Variants in KIF16B observed in about 807,000 individuals in gnomAD.
KIF16B encodes the protein kinesin family member 16B, also known as kinesin-like protein KIF16B.
A neutral mutation model predicts 156.3 loss-of-function variants in KIF16B; 98 were observed. That is an observed-to-expected ratio of 0.63 (90% CI 0.53 to 0.74). The LOEUF (loss-of-function observed/expected upper bound fraction) is 0.74, where lower values mean the gene tolerates loss of function less well. Among genes scored for constraint, KIF16B ranks in the 30% least tolerant of loss-of-function variants. The pLI is 0.00. For missense variants in KIF16B, 1,421 were observed against 1,606.5 expected (o/e 0.88, Z 1.97); for synonymous variants, 564 against 583.7 (o/e 0.97, Z 0.49).
chr20:16,483,816 C>G (rs974204795), intron 12 of KIF16B, among the ~76,000 whole-genome samples: 1 of 152,126 alleles, frequency 6.6e-6, no homozygotes, highest in African/African-American at 2.4e-5. Flanking sequence ...TATTGCTCCA[C>G]CAACCACCCC....
At chr20:16,368,890 T>C (rs1427496458) in intron 22 of KIF16B, 1 of 985,776 alleles carries the variant, frequency 1.0e-6, no homozygotes, top group Non-Finnish European at 1.2e-6. Flanking sequence ...TTTATCTTTA[T>C]GAGTCATCAG....
At chr20:16,519,505 CT>C (rs1382066169) in intron 3 of KIF16B, among the ~76,000 whole-genome samples, 1 of 152,212 alleles carries the variant, frequency 6.6e-6, no homozygotes, top group Non-Finnish European at 1.5e-5. Flanking sequence ...AGAAAGCCAA[CT>C]TCCTCCACAA....
chr20:16,372,355 A>G (rs974965709), intron 20 of KIF16B, among the ~76,000 whole-genome samples: 2 of 152,194 alleles, frequency 1.3e-5, no homozygotes, highest in Admixed American at 6.5e-5. Flanking sequence ...GCAAGACCAC[A>G]TCGTAAAGGT....
intron 25 of KIF16B, among the ~76,000 whole-genome samples, chr20:16,303,994 C>T (rs1318418991): frequency 6.6e-6 from 1 of 152,080 alleles, no homozygotes; most frequent in Non-Finnish European, 1.5e-5. Context: ...AACCTGGGAG[C>T]CCAAAGATGG....
chr20:16,319,889 C>T (rs1205862236), intron 24 of KIF16B, among the ~76,000 whole-genome samples: 1 of 152,172 alleles, frequency 6.6e-6, no homozygotes, highest in Admixed American at 6.6e-5. Flanking sequence ...TCACAAGGCT[C>T]GCTCTTAAGA....
rs1398652779 is a variant in KIF16B, at chr20:16,273,209, G to A, written c.*44C>T. The A allele has an allele frequency of 3.8e-6, 6 of 1,575,566 alleles. No homozygotes were observed. Among genetic ancestry groups the A allele is most frequent in the African/African-American group, 2.7e-5 (2 of 74,090 alleles). On this transcript the variant is annotated 3_prime_UTR_variant, in exon 26 of 26. Coordinates refer to ENST00000354981, the MANE Select transcript of KIF16B (RefSeq NM_024704.5). The stretch of plus-strand genomic sequence containing the variant: ...GCTGCCCTGCATCGGAGCCCGCTTC[G>A]ACGAGAAGGCACTGCTGTGGTGGTT...
intron 11 of KIF16B, among the ~76,000 whole-genome samples, chr20:16,495,110 T>C (rs2068412944): frequency 6.6e-6 from 1 of 152,096 alleles, no homozygotes; most frequent in African/African-American, 2.4e-5. Context: ...GAATGAAAAA[T>C]GCGTTCTGTG....
intron 12 of KIF16B, among the ~76,000 whole-genome samples, chr20:16,455,287 C>G (rs562965494): frequency 6.6e-6 from 1 of 151,672 alleles, no homozygotes; most frequent in Non-Finnish European, 1.5e-5. Flanking sequence ...CTCAAGTGAT[C>G]CTCTTGCCTC....
chr20:16,470,398 G>A (rs1226659051), intron 12 of KIF16B, among the ~76,000 whole-genome samples: 1 of 152,124 alleles, frequency 6.6e-6, no homozygotes, highest in Non-Finnish European at 1.5e-5. Context: ...ACTGTGGTGA[G>A]GGATGGCAAC....
At chr20:16,525,332 C>T (rs1459012782) in intron 3 of KIF16B, among the ~76,000 whole-genome samples, 2 of 152,106 alleles carry the variant, frequency 1.3e-5, no homozygotes, top group African/African-American at 2.4e-5. Context: ...AAGCTGTCAA[C>T]GAGCCAGGAA....
rs1365260696 is a variant in KIF16B at position 16,379,748 on chromosome 20, C to T, written c.2254G>A (p.Glu752Lys). 3 of 1,614,180 alleles carry T rather than the reference C, an allele frequency of 1.9e-6. No homozygotes were observed. The highest frequency in any genetic ancestry group is 2.5e-6 in the Non-Finnish European group (3 of 1,180,042). ...ATGACCTGCTCCTTCTCCTGCTCCTCTAGTCTCTTTTTTTCCAGTTCAAGC... is the reference window on the plus strand; with the variant it reads ...ATGACCTGCTCCTTCTCCTGCTCCTTTAGTCTCTTTTTTTCCAGTTCAAGC... Reference protein sequence around the residue: ...AKLELEKKRLEEQEKEQVMLV... With the variant: ...AKLELEKKRLKEQEKEQVMLV... The change falls in exon 19 of 26, where the codon GAG becomes AAG. Residue 752 changes from glutamate to lysine, a missense_variant. By Grantham distance (56) the Glu-to-Lys change is moderately conservative (BLOSUM62 1). Coordinates refer to ENST00000354981, the MANE Select transcript of KIF16B (RefSeq NM_024704.5).
chr20:16,295,756 A>C (rs1006481878), intron 25 of KIF16B, among the ~76,000 whole-genome samples: 3 of 152,152 alleles, frequency 2.0e-5, no homozygotes, highest in African/African-American at 7.2e-5. Context: ...CAGGACGAGG[A>C]GTGTACTGAA....
intron 24 of KIF16B, among the ~76,000 whole-genome samples, chr20:16,322,657 C>T (rs560306141): frequency 1.2e-4 from 18 of 151,852 alleles, no homozygotes; most frequent in Non-Finnish European, 1.6e-4. Context: ...TTCTGATTCC[C>T]GGTGAACTGA....
intron 25 of KIF16B, among the ~76,000 whole-genome samples, chr20:16,294,759 G>A (rs780726851): frequency 5.3e-5 from 8 of 152,132 alleles, no homozygotes; most frequent in South Asian, 2.1e-4. Flanking sequence ...ACAGCACAGC[G>A]TATGTCAGCC....
intron 12 of KIF16B, among the ~76,000 whole-genome samples, chr20:16,446,924 T>C (rs763243094): frequency 3.3e-5 from 5 of 152,184 alleles, no homozygotes; most frequent in Non-Finnish European, 5.9e-5. Context: ...TGCACTAGAA[T>C]AAATTCACCC....
intron 15 of KIF16B, among the ~76,000 whole-genome samples, chr20:16,419,315 G>A (rs532533572): frequency 6.6e-6 from 1 of 152,268 alleles, no homozygotes; most frequent in South Asian, 2.1e-4. Flanking sequence ...TGAAGGAACA[G>A]ACACTGATAC....
chr20:16,539,479 G>C (rs2070110377), intron 1 of KIF16B, among the ~76,000 whole-genome samples: 1 of 152,142 alleles, frequency 6.6e-6, no homozygotes, highest in South Asian at 2.1e-4. Flanking sequence ...ATGACCTAGG[G>C]ATCTGGCAGA....
chr20:16,445,621 C>T lies in KIF16B; in HGVS notation c.1303-15639G>A, dbSNP rs77423007. 4.7e-3 allele frequency among the ~76,000 whole-genome samples: 708 copies of T among 151,950 alleles called. 22 individuals carry two copies. The East Asian group carries it at 0.11, about 23-fold the overall frequency. On this transcript the variant is annotated intron_variant, in intron 12 of 25. Transcript: ENST00000354981. ...TTTCTGAAAATGTGGACTTAAATGT[C>T]CGAATCAGGTTTTTGTCCAGGTCAG...
rs377604855 is a variant in KIF16B at position 16,322,397 on chromosome 20, G to C, written c.3712-9979C>G. 1.5e-4 allele frequency among the ~76,000 whole-genome samples: 23 copies of C among 152,002 alleles called. No homozygotes were observed. The East Asian group carries it at 3.3e-3, about 22-fold the overall frequency. On this transcript the variant is annotated intron_variant, in intron 24 of 25. Transcript: ENST00000354981. ...AGATCTATATGAAGAATTTTCAAAA[G>C]AGTAAGCTAAGACAATTAGTATTTA...
Sources: gnomAD v4.1 joint callset for allele counts (sites outside exome capture counted in the v4.1 genomes callset) on GRCh38, gnomAD v4.1.1 for gene constraint, MANE v1.5 for transcripts, NCBI Gene and HGNC (gene_info 2026-07-23, HGNC 2026-07-21) for gene names.